Variants in CREM observed in about 807,000 individuals in gnomAD.
CREM encodes cAMP responsive element modulator.
CREM carries 13 observed loss-of-function variants against 37.3 expected under a neutral mutation model. That is an observed-to-expected ratio of 0.35 (90% confidence interval 0.23 to 0.55). CREM has a LOEUF of 0.55. Among genes scored for constraint, CREM ranks in the 20% least tolerant of loss-of-function variants. The pLI is 0.88. For synonymous variants in CREM, 124 were observed against 120.2 expected (o/e 1.03, Z -0.21); for missense variants, 296 against 362.3 (o/e 0.82, Z 1.49).
At chr10:35,143,880 C>G (rs1183159467) in intron 2 of CREM, among the ~76,000 whole-genome samples, 2 of 151,988 alleles carry the variant, frequency 1.3e-5, no homozygotes, top group African/African-American at 2.4e-5. Flanking sequence ...AGCAGAGAGG[C>G]TTTGGGAGTT....
intron 6 of CREM, among the ~76,000 whole-genome samples, chr10:35,206,295 C>CAT (rs1235284640): frequency 1.3e-5 from 2 of 151,712 alleles, no homozygotes; most frequent in African/African-American, 2.4e-5. Flanking sequence ...TATATACATG[C>CAT]ATATATATAT....
intron 5 of CREM, among the ~76,000 whole-genome samples, chr10:35,187,139 AATATATAAT>A (rs1317494764): frequency 3.3e-4 from 24 of 73,698 alleles, no homozygotes; most frequent in South Asian, 1.3e-3. Flanking sequence ...TTAATATATT[AATATATAAT>A]ATATATAATA....
intron 1 of CREM, among the ~76,000 whole-genome samples, chr10:35,128,053 C>T (rs1229219223): frequency 6.6e-6 from 1 of 152,152 alleles, no homozygotes; most frequent in African/African-American, 2.4e-5. Flanking sequence ...CCATGTTGGT[C>T]AGGCTGGTCT....
At chr10:35,167,895 A>T in intron 3 of CREM, 1 of 1,198,692 alleles carries the variant, frequency 8.3e-7, no homozygotes, top group Non-Finnish European at 1.2e-6. Flanking sequence ...CATCCATTTT[A>T]TGTTTTAGTT....
At chr10:35,194,156 T>G (rs1590327978) in intron 6 of CREM, among the ~76,000 whole-genome samples, 2 of 149,678 alleles carry the variant, frequency 1.3e-5, no homozygotes, top group Non-Finnish European at 3.0e-5. Flanking sequence ...GTCACTTATT[T>G]TTTTGCAGTG....
At position 35,207,363 on chromosome 10, in the gene CREM, C is replaced by T. The variant is rs550407651; in HGVS notation, c.755+312C>T. Among the ~76,000 whole-genome samples the T allele has an allele frequency of 1.3e-5, 2 of 151,936 alleles. 1 individual carries two copies. Among genetic ancestry groups the T allele is most frequent in the Middle Eastern group, 6.9e-3 (2 of 290 alleles). On this transcript the variant is annotated intron_variant, in intron 7 of 7. Transcript: ENST00000685392. ...GAGCCAAGATCGTGCCACTGCACTCCAGCCTGGGCGACAGAGCGAGACTCC... is the reference window on the plus strand; with the variant it reads ...GAGCCAAGATCGTGCCACTGCACTCTAGCCTGGGCGACAGAGCGAGACTCC...
chr10:35,180,463 G>A (rs2094306168), intron 5 of CREM, among the ~76,000 whole-genome samples: 1 of 152,134 alleles, frequency 6.6e-6, no homozygotes, highest in Non-Finnish European at 1.5e-5. Flanking sequence ...TGTAGCAGTG[G>A]TAGATTTGCA....
At chr10:35,132,218 GA>G (rs958872311) in intron 1 of CREM, among the ~76,000 whole-genome samples, 5 of 112,342 alleles carry the variant, frequency 4.5e-5, no homozygotes, top group East Asian at 3.2e-4. Flanking sequence ...AAAAAAAAAA[GA>G]AAAAAAAATT....
In CREM at chr10:35,194,551, A is replaced by G. The variant is rs572078903; in HGVS notation, c.598+6163A>G. ...CTCCATTGGCACAGTGAATTTTTAA[A>G]ATTTAATTATCTACTCCCTTTAAGT... On this transcript the variant is annotated intron_variant, in intron 6 of 7. Transcript: ENST00000685392. Among the ~76,000 whole-genome samples the G allele has an allele frequency of 2.0e-5, 3 of 152,304 alleles. No homozygotes were observed. In the South Asian group the frequency reaches 6.2e-4, roughly 32 times the overall value.
At chr10:35,211,195 C>G in intron 7 of CREM, 59 bp from the exon 8 acceptor site, 1 of 1,581,260 alleles carries the variant, frequency 6.3e-7, no homozygotes, top group Non-Finnish European at 8.6e-7. Context: ...GTGCACTGAC[C>G]CACTGTGGAT....
chr10:35,151,005 A>G (rs1266114713), intron 3 of CREM, among the ~76,000 whole-genome samples: 2 of 152,222 alleles, frequency 1.3e-5, no homozygotes, highest in African/African-American at 2.4e-5. Flanking sequence ...TTAGTAGGTT[A>G]TAGAATAAGT....
intron 3 of CREM, among the ~76,000 whole-genome samples, chr10:35,155,922 CCT>C (rs1423589777): frequency 3.3e-5 from 5 of 150,598 alleles, no homozygotes; most frequent in Admixed American, 6.6e-5. Context: ...AGCCACTGCG[CCT>C]GGCCTCTTCT....
chr10:35,208,654 G>T (rs575389809), intron 7 of CREM, among the ~76,000 whole-genome samples: 4 of 152,110 alleles, frequency 2.6e-5, no homozygotes, highest in Admixed American at 6.6e-5. Flanking sequence ...ATCACAGCGC[G>T]GCTACTGAAC....
At chr10:35,134,017 T>G (rs1369123867) in intron 1 of CREM, among the ~76,000 whole-genome samples, 1 of 152,046 alleles carries the variant, frequency 6.6e-6, no homozygotes, top group Non-Finnish European at 1.5e-5. Flanking sequence ...AAAGTTACAT[T>G]AAGGTATTAA....
intron 6 of CREM, among the ~76,000 whole-genome samples, chr10:35,197,416 CTTTATTTATTTATTTATTTA>C (rs202009348): frequency 3.8e-4 from 54 of 142,794 alleles, no homozygotes; most frequent in South Asian, 6.7e-4. Context: ...TTTCATTTTA[CTTTATTTATTTATTTATTTA>C]TTTATTTATT....
intron 4 of CREM, 69 bp from the exon 5 acceptor site, chr10:35,179,065 T>A: frequency 6.5e-7 from 1 of 1,535,748 alleles, no homozygotes; most frequent in Non-Finnish European, 8.9e-7. Context: ...CAATTCTTCC[T>A]TTATAGCTTT....
chr10:35,156,842 A>T (rs1035064714), intron 3 of CREM, among the ~76,000 whole-genome samples: 1 of 152,200 alleles, frequency 6.6e-6, no homozygotes, highest in Admixed American at 6.6e-5. Context: ...TTCAGGAAAA[A>T]CACATGTCTT....
chr10:35,195,068 G>C (rs2095092775), intron 6 of CREM: 1 of 978,390 alleles, frequency 1.0e-6, no homozygotes, highest in African/African-American at 1.7e-5. Context: ...GGCAGTGATA[G>C]GCTAGTGATG....
chr10:35,166,565 A>C (rs2093564465), intron 3 of CREM, among the ~76,000 whole-genome samples: 2 of 63,326 alleles, frequency 3.2e-5, no homozygotes, highest in South Asian at 1.1e-3. Flanking sequence ...AGTCTGTATC[A>C]AAAAAAAAAA....
Sources: allele counts gnomAD v4.1 joint callset (sites outside exome capture counted in the v4.1 genomes callset), GRCh38; gene constraint gnomAD v4.1.1; transcripts MANE v1.5; gene names NCBI Gene and HGNC (gene_info 2026-07-23, HGNC 2026-07-21).